The following R3HCC1L variants were observed in gnomAD, a reference collection of about 807,000 sequenced individuals.
R3HCC1L encodes R3H domain and coiled-coil containing 1 like.
In R3HCC1L, 51 loss-of-function variants were observed where a neutral mutation model predicts 59.9. The ratio of observed to expected loss-of-function variants is 0.85; its 90% CI spans 0.68 to 1.07. The LOEUF is 1.07. Ranked by LOEUF, R3HCC1L falls within the 50% of genes least tolerant of loss-of-function variation. The pLI is 0.00. For missense variants in R3HCC1L, 965 were observed against 933.0 expected, an observed-to-expected ratio of 1.03 and a Z score of -0.45; for synonymous variants, 322 against 315.2, an observed-to-expected ratio of 1.02 and a Z score of -0.23.
chr10:98,195,636 G>C lies in R3HCC1L; in HGVS notation c.-14-12465G>C, dbSNP rs372936900. 3.3e-5 allele frequency among the ~76,000 whole-genome samples: 5 copies of C among 151,878 alleles called. No individual in the cohort carries two copies. The South Asian group carries it at 1.0e-3, about 32-fold the overall frequency. ...TTAGCTATTAAAACTTTTCCTAAAA[G>C]TAGATTGTACCTTCCATTGTAGACC... On this transcript the variant is annotated intron_variant, in intron 4 of 9. Transcript: ENST00000298999.
intron 5 of R3HCC1L, chr10:98,211,370 C>T: frequency 1.3e-6 from 2 of 1,526,630 alleles, no homozygotes; most frequent in Admixed American, 2.0e-5. Context: ...AAATCTATAT[C>T]AGAATGTGAG....
chr10:98,231,661 C>G lies in R3HCC1L; in HGVS notation c.1935C>G (p.Asp645Glu). Residue 645 changes from aspartate (D) to glutamate (E), a missense_variant, in exon 6 of 10, where the codon GAC (aspartate) becomes GAG (glutamate). Coordinates refer to ENST00000298999, the MANE Select transcript of R3HCC1L (RefSeq NM_001351015.2). The part of the protein sequence containing the change: ...YDFPQEFHTE[D>E]LLRVFCSYQK... Reference sequence around the variant, plus strand: ...TTCCCCAAGAATTTCATACTGAAGACCTTCTACGGGTTTTCTGCAGTTATC... The same window carrying G: ...TTCCCCAAGAATTTCATACTGAAGAGCTTCTACGGGTTTTCTGCAGTTATC... The G allele has an allele frequency of 6.2e-7, 1 of 1,611,424 alleles. No individual in the cohort carries two copies. The highest frequency in any genetic ancestry group is 8.5e-7 in the Non-Finnish European group (1 of 1,178,194).
At chr10:98,187,348 G>T (rs1850320271) in intron 4 of R3HCC1L, among the ~76,000 whole-genome samples, 1 of 152,070 alleles carries the variant, frequency 6.6e-6, no homozygotes, top group Admixed American at 6.6e-5. Context: ...GAGCATTTTG[G>T]ATTGCAGATT....
rs143613731 is a variant in R3HCC1L, at chr10:98,209,830, C to G, written c.1716C>G (p.Ala572=). 1.2e-5 allele frequency: 20 copies of G among 1,613,786 alleles called. No homozygotes were observed. The East Asian group carries it at 4.5e-4, about 36-fold the overall frequency. The part of the protein sequence containing the change: ...TETSHTEGIT[A]IEESWESMFN... ...CTTCTCACACAGAGGGAATTACTGC[C>G]ATTGAGGAGAGCTGGGAGTCTATGT... The change falls in exon 5 of 10, where the codon GCC becomes GCG. Residue 572 remains alanine (A), a synonymous_variant. Coordinates refer to ENST00000298999, the MANE Select transcript of R3HCC1L (RefSeq NM_001351015.2).
chr10:98,188,707 A>G (rs1021078975), intron 4 of R3HCC1L, among the ~76,000 whole-genome samples: 1 of 152,164 alleles, frequency 6.6e-6, no homozygotes, highest in African/African-American at 2.4e-5. Flanking sequence ...ATTTTTTCCT[A>G]TAAGATTGTT....
intron 1 of R3HCC1L, among the ~76,000 whole-genome samples, chr10:98,145,880 C>T (rs1028579766): frequency 6.6e-6 from 1 of 151,560 alleles, no homozygotes; most frequent in Non-Finnish European, 1.5e-5. Context: ...ACCCTGGAGG[C>T]GGAGGTTGCA....
Position 98,235,972 on chromosome 10 carries a change from G to T in R3HCC1L, c.2129-52G>T, listed in dbSNP as rs114714802. The T allele has an allele frequency of 1.3e-3, 1,983 of 1,550,658 alleles. 25 individuals are homozygous for T. In the African/African-American group the frequency reaches 0.024, roughly 19 times the overall value. Reference sequence around the variant, plus strand: ...TACTGAGTTAAATCACTTGAAGCTAGAGTGCTCTCTCTTCTTGACTCCTTC... The same window carrying T: ...TACTGAGTTAAATCACTTGAAGCTATAGTGCTCTCTCTTCTTGACTCCTTC... On this transcript the variant is annotated intron_variant, in intron 8 of 9. Coordinates refer to ENST00000298999, the MANE Select transcript of R3HCC1L (RefSeq NM_001351015.2).
rs769351406 is a variant in R3HCC1L, at chr10:98,209,229, C to G, written c.1115C>G (p.Thr372Ser). The G allele has an allele frequency of 1.2e-6, 2 of 1,613,724 alleles. No individual in the cohort carries two copies. The highest frequency in any genetic ancestry group is 1.7e-6 in the Non-Finnish European group (2 of 1,179,952). Residue 372 changes from threonine (T) to serine (S), a missense_variant, in exon 5 of 10, where the codon ACC becomes AGC. Coordinates refer to ENST00000298999, the MANE Select transcript of R3HCC1L (RefSeq NM_001351015.2). ...DSGFKNVGDI[T>S]NKACMMDTTG... ...GGATTTAAGAATGTAGGTGACATTA[C>G]CAATAAAGCATGTATGATGGACACT...
At chr10:98,218,484 TA>T (rs766404196) in intron 5 of R3HCC1L, among the ~76,000 whole-genome samples, 4 of 152,140 alleles carry the variant, frequency 2.6e-5, no homozygotes, top group East Asian at 3.8e-4. Context: ...GTTTTTGTAT[TA>T]AAAAAAACTT....
chr10:98,216,751 T>A (rs1037238866), intron 5 of R3HCC1L, among the ~76,000 whole-genome samples: 3 of 152,028 alleles, frequency 2.0e-5, no homozygotes, highest in Non-Finnish European at 2.9e-5. Flanking sequence ...TTTTAAAAAA[T>A]TTATTTTTTG....
rs769025969 is a variant in R3HCC1L at position 98,236,128 on chromosome 10, C to T, written c.2233C>T (p.Arg745Ter). Reference sequence around the variant, plus strand: ...TCGAAGTAAGCAGAGCAAAACCGAACGAGAAGCAGAGCTCAAGAAACTGCA... The same window carrying T: ...TCGAAGTAAGCAGAGCAAAACCGAATGAGAAGCAGAGCTCAAGAAACTGCA... ...GVRSKQSKTE[R>*]EAELKKLQEA... The change falls in exon 9 of 10, where the codon CGA becomes TGA. Residue 745 changes from arginine to a stop codon, truncating the protein, a stop_gained. Coordinates refer to ENST00000298999, the MANE Select transcript of R3HCC1L (RefSeq NM_001351015.2). LOFTEE classifies it high-confidence loss of function. 1.4e-5 allele frequency: 22 copies of T among 1,613,648 alleles called. No homozygotes were observed. In the East Asian group the frequency reaches 3.3e-4, roughly 25 times the overall value.
rs963947452 is a variant in R3HCC1L, at chr10:98,230,381, A to G, written c.1786-1131A>G. ...AGTTTATTTGCGTAGAGGTGTTTATAGTATTCTCTGATGGTAGTTTGTATT... is the reference window on the plus strand; with the variant it reads ...AGTTTATTTGCGTAGAGGTGTTTATGGTATTCTCTGATGGTAGTTTGTATT... On this transcript the variant is annotated intron_variant, in intron 5 of 9. Coordinates refer to ENST00000298999, the MANE Select transcript of R3HCC1L (RefSeq NM_001351015.2). Among the ~76,000 whole-genome samples, 27 of 152,264 alleles carry G rather than the reference A, an allele frequency of 1.8e-4. No individual in the cohort carries two copies. In the East Asian group the frequency reaches 2.9e-3, roughly 16 times the overall value.
intron 2 of R3HCC1L, among the ~76,000 whole-genome samples, chr10:98,157,027 A>G (rs1213510402): frequency 5.9e-5 from 9 of 152,198 alleles, no homozygotes; most frequent in African/African-American, 2.2e-4. Flanking sequence ...TAGTTTGGGT[A>G]AGTGTAAATT....
rs575531434 is a variant in R3HCC1L at position 98,151,278 on chromosome 10, G to T, written c.-267-4815G>T. Among the ~76,000 whole-genome samples the T allele has an allele frequency of 9.2e-5, 14 of 152,246 alleles. No homozygotes were observed. The East Asian group carries it at 2.5e-3, about 27-fold the overall frequency. On this transcript the variant is annotated intron_variant, in intron 1 of 9. Coordinates refer to ENST00000298999, the MANE Select transcript of R3HCC1L (RefSeq NM_001351015.2). Reference sequence around the variant, plus strand: ...CTAGTGTGCGCTGGTTAAGAGGCTGGGTTCTGGAGACCTAGGTTTGAATGA... The same window carrying T: ...CTAGTGTGCGCTGGTTAAGAGGCTGTGTTCTGGAGACCTAGGTTTGAATGA...
chr10:98,164,980 C>G (rs778775928), intron 4 of R3HCC1L, among the ~76,000 whole-genome samples: 1 of 152,176 alleles, frequency 6.6e-6, no homozygotes, highest in Non-Finnish European at 1.5e-5. Context: ...GTAAAGTTGC[C>G]TGGGCATGGC....
At chr10:98,231,397 G>A (rs547983511) in intron 5 of R3HCC1L, 115 bp from the exon 6 acceptor site, 15 of 970,790 alleles carry the variant, frequency 1.5e-5, no homozygotes, top group Admixed American at 2.8e-5. Flanking sequence ...CTATGCCAAA[G>A]GTTGAGGAAT....
intron 5 of R3HCC1L, among the ~76,000 whole-genome samples, chr10:98,228,044 G>A (rs1269631486): frequency 1.3e-5 from 2 of 152,156 alleles, no homozygotes; most frequent in Non-Finnish European, 2.9e-5. Context: ...ACAAACATAT[G>A]TGTGCATGTG....
chr10:98,140,667 A>T (rs974860145), intron 1 of R3HCC1L, among the ~76,000 whole-genome samples: 1 of 152,186 alleles, frequency 6.6e-6, no homozygotes, highest in African/African-American at 2.4e-5. Context: ...ACATGTAAAT[A>T]TTTATAGTTG....
intron 4 of R3HCC1L, among the ~76,000 whole-genome samples, chr10:98,167,321 T>C (rs1308463413): frequency 2.5e-4 from 38 of 152,218 alleles, no homozygotes; most frequent in Admixed American, 2.5e-3. Flanking sequence ...TTAAATTTAT[T>C]AACTTGTTAA....
Sources: gnomAD v4.1 joint callset for allele counts (sites outside exome capture counted in the v4.1 genomes callset) on GRCh38, gnomAD v4.1.1 for gene constraint, MANE v1.5 for transcripts, NCBI Gene and HGNC (gene_info 2026-07-23, HGNC 2026-07-21) for gene names.